ATF2: variants seen among roughly 807,000 people sequenced by gnomAD.
ATF2 encodes cyclic AMP-dependent transcription factor ATF-2.
In ATF2, 24 loss-of-function variants were observed where a neutral mutation model predicts 60.6. That is an observed-to-expected ratio of 0.40 (90% CI 0.29 to 0.56). ATF2 has a LOEUF of 0.56. Among genes scored for constraint, ATF2 ranks in the 20% least tolerant of loss-of-function variants. ATF2 has a pLI of 0.54. For missense variants in ATF2, 433 were observed against 607.7 expected (o/e 0.71, Z 3.02); for synonymous variants, 206 against 215.4 (o/e 0.96, Z 0.38).
In ATF2 at chr2:175,097,479, A is replaced by G; in HGVS notation, c.943T>C (p.Leu315=). The G allele has an allele frequency of 6.2e-7, 1 of 1,614,136 alleles. No individual in the cohort carries two copies. The highest frequency in any genetic ancestry group is 8.5e-7 in the Non-Finnish European group (1 of 1,179,990). Residue 315 remains leucine, a synonymous_variant, in exon 11 of 14, where the codon TTA becomes CTA. Transcript: ENST00000264110. ...GTAGTGGATGTGGCTGGCTGTTGTA[A>G]TGACTGCGGTCGAGATTCCTCTGAC... ...TQSEESRPQS[L]QQPATSTTET...
At chr2:175,145,123 G>A (rs1195269180) in intron 2 of ATF2, among the ~76,000 whole-genome samples, 1 of 152,114 alleles carries the variant, frequency 6.6e-6, no homozygotes, top group Non-Finnish European at 1.5e-5. Flanking sequence ...GTATATGCAC[G>A]CATATGTGGT....
chr2:175,123,671 G>T (rs1055420077), intron 4 of ATF2, among the ~76,000 whole-genome samples: 14 of 151,908 alleles, frequency 9.2e-5, no homozygotes, highest in Non-Finnish European at 4.4e-5. Context: ...CAAATATTTA[G>T]GATCATATGA....
At chr2:175,117,623 G>C (rs1160746044) in intron 7 of ATF2, among the ~76,000 whole-genome samples, 1 of 151,830 alleles carries the variant, frequency 6.6e-6, no homozygotes, top group African/African-American at 2.4e-5. Flanking sequence ...CCTTAATCCT[G>C]TAAAAGTCTA....
intron 2 of ATF2, among the ~76,000 whole-genome samples, chr2:175,142,330 G>A (rs965413745): frequency 7.9e-5 from 12 of 151,556 alleles, no homozygotes; most frequent in Non-Finnish European, 1.2e-4. Flanking sequence ...CACCACTCCC[G>A]GCTAATTTTT....
intron 8 of ATF2, 89 bp from the exon 9 acceptor site, chr2:175,114,197 CA>C: frequency 2.1e-6 from 3 of 1,442,876 alleles, no homozygotes; most frequent in Non-Finnish European, 2.8e-6. Context: ...CTCCTATAAT[CA>C]TATCATTTAA....
intron 13 of ATF2, among the ~76,000 whole-genome samples, chr2:175,078,312 G>T (rs956664973): frequency 6.6e-6 from 1 of 152,048 alleles, no homozygotes; most frequent in Admixed American, 6.6e-5. Flanking sequence ...TGGTTGATTA[G>T]TCCCCAAGAA....
chr2:175,159,454 A>C (rs1699884730), intron 1 of ATF2, among the ~76,000 whole-genome samples: 1 of 152,196 alleles, frequency 6.6e-6, no homozygotes, highest in South Asian at 2.1e-4. Flanking sequence ...TATTAAGCCC[A>C]ATGTTAACAA....
chr2:175,140,301 C>G (rs568762158), intron 2 of ATF2, among the ~76,000 whole-genome samples: 263 of 152,184 alleles, frequency 1.7e-3, no homozygotes, highest in African/African-American at 6.1e-3. Context: ...CATTCTTAAG[C>G]GAATAAAGAG....
chr2:175,136,120 C>T (rs1348330733), intron 3 of ATF2, among the ~76,000 whole-genome samples: 1 of 148,272 alleles, frequency 6.7e-6, no homozygotes, highest in Non-Finnish European at 1.5e-5. Context: ...AAGCTATTTG[C>T]TATTTGAATA....
intron 13 of ATF2, 43 bp from the exon 14 acceptor site, chr2:175,074,878 TA>T (rs1485168167): frequency 1.2e-5 from 19 of 1,606,218 alleles, no homozygotes; most frequent in Non-Finnish European, 1.6e-5. Context: ...CTAAAATCGG[TA>T]AGAATGCACC....
In ATF2 at chr2:175,164,614, A is replaced by T. The variant is rs527972176; in HGVS notation, c.-143+3436T>A. Among the ~76,000 whole-genome samples the T allele has an allele frequency of 4.6e-5, 7 of 152,356 alleles. No homozygotes were observed. In the South Asian group the frequency reaches 1.4e-3, roughly 32 times the overall value. On this transcript the variant is annotated intron_variant, in intron 1 of 13. Transcript: ENST00000264110. Reference sequence around the variant, plus strand: ...CCTTGATTTTCTATGAAACTATCTTATACCTTACTATATAACCTTTTAACC... The same window carrying T: ...CCTTGATTTTCTATGAAACTATCTTTTACCTTACTATATAACCTTTTAACC...
At chr2:175,130,235 G>C (rs768655550) in intron 3 of ATF2, 28 bp from the exon 4 acceptor site, 1 of 1,358,644 alleles carries the variant, frequency 7.4e-7, no homozygotes, top group South Asian at 1.7e-5. Context: ...ACACTTTAGA[G>C]TACATATTTT....
chr2:175,163,918 CAAA>C (rs1176905315), intron 1 of ATF2, among the ~76,000 whole-genome samples: 4 of 30,324 alleles, frequency 1.3e-4, no homozygotes, highest in Non-Finnish European at 2.4e-4. Context: ...AACTCCGTCT[CAAA>C]AAAAAAAAAA....
chr2:175,122,242 TAA>T (rs1697012794), intron 4 of ATF2, among the ~76,000 whole-genome samples: 1 of 152,032 alleles, frequency 6.6e-6, no homozygotes, highest in South Asian at 2.1e-4. Context: ...CTAACTTGGA[TAA>T]GTTTTGCATG....
intron 12 of ATF2, among the ~76,000 whole-genome samples, chr2:175,081,449 T>C (rs1236396659): frequency 1.3e-5 from 2 of 152,200 alleles, no homozygotes; most frequent in African/African-American, 2.4e-5. Context: ...TACATTAATC[T>C]GGTAAAAAGT....
At chr2:175,118,435 TAAGTTAACAAATTAGC>T (rs1215892789) in intron 5 of ATF2, 66 bp from the exon 6 acceptor site, 1 of 1,316,114 alleles carries the variant, frequency 7.6e-7, no homozygotes, top group African/African-American at 1.5e-5. Context: ...ATATAGCTAC[TAAGTTAACAAATTAGC>T]AGGACTGGTT....
At chr2:175,151,193 T>C (rs1162110014) in intron 1 of ATF2, 35 bp from the exon 2 acceptor site, 1 of 152,340 alleles carries the variant, frequency 6.6e-6, no homozygotes, top group Non-Finnish European at 1.5e-5. Flanking sequence ...AGAGTGAACT[T>C]ATTACCATGT....
intron 2 of ATF2, among the ~76,000 whole-genome samples, chr2:175,139,497 C>A (rs1698359066): frequency 6.6e-6 from 1 of 151,782 alleles, no homozygotes; most frequent in Non-Finnish European, 1.5e-5. Context: ...CATGGTGAAA[C>A]CCCGTCTCTA....
At chr2:175,110,389 A>G (rs1357498361) in intron 10 of ATF2, among the ~76,000 whole-genome samples, 2 of 150,862 alleles carry the variant, frequency 1.3e-5, no homozygotes, top group African/African-American at 5.0e-5. Context: ...GCATGTAAAA[A>G]TTTGTATTTA....
Sources: gnomAD v4.1 joint callset for allele counts (sites outside exome capture counted in the v4.1 genomes callset) on GRCh38, gnomAD v4.1.1 for gene constraint, MANE v1.5 for transcripts, NCBI Gene and HGNC (gene_info 2026-07-23, HGNC 2026-07-21) for gene names.